Variants in TMEFF2 observed in about 807,000 individuals in gnomAD.
TMEFF2 encodes the protein tomoregulin-2.
Under a neutral mutation model 53.8 loss-of-function variants are expected in TMEFF2, and 28 were observed. That is an observed-to-expected ratio of 0.52 (90% CI 0.39 to 0.71). The LOEUF is 0.71. TMEFF2 is among the 30% of genes least tolerant of loss of function. The pLI, the probability that TMEFF2 is intolerant of heterozygous loss-of-function variation, is 0.00. For synonymous variants in TMEFF2, 162 were observed against 166.3 expected (o/e 0.97, Z 0.20); for missense variants, 353 against 455.2 (o/e 0.78, Z 2.04).
chr2:191,987,768 T>TGA, intron 7 of TMEFF2, among the ~76,000 whole-genome samples: 1 of 152,336 alleles, frequency 6.6e-6, no homozygotes, highest in South Asian at 2.1e-4. Context: ...TATTTGTAAG[T>TGA]CATTGGCTCT....
intron 4 of TMEFF2, among the ~76,000 whole-genome samples, chr2:192,141,608 C>G (rs923906477): frequency 1.3e-5 from 2 of 151,742 alleles, no homozygotes; most frequent in Non-Finnish European, 2.9e-5. Context: ...AAACCCTGAA[C>G]AGAAAGTTGT....
chr2:192,131,004 G>A (rs370295785), intron 4 of TMEFF2, among the ~76,000 whole-genome samples: 3 of 151,588 alleles, frequency 2.0e-5, no homozygotes, highest in South Asian at 2.1e-4. Context: ...ACGCAGGGAC[G>A]CCTGCCTTGG....
chr2:192,080,045 C>T (rs1467518249), intron 4 of TMEFF2, among the ~76,000 whole-genome samples: 2 of 152,072 alleles, frequency 1.3e-5, no homozygotes, highest in African/African-American at 2.4e-5. Flanking sequence ...TGACATAGTC[C>T]AATAGAGTAA....
intron 4 of TMEFF2, among the ~76,000 whole-genome samples, chr2:192,071,973 T>C (rs568980861): frequency 1.7e-4 from 26 of 151,942 alleles, no homozygotes; most frequent in African/African-American, 6.3e-4. Context: ...TGGGGAAAGG[T>C]GGCATAGGCA....
intron 4 of TMEFF2, among the ~76,000 whole-genome samples, chr2:192,111,216 T>C (rs1011529838): frequency 6.6e-6 from 1 of 152,116 alleles, no homozygotes; most frequent in Non-Finnish European, 1.5e-5. Flanking sequence ...TTGGAGGGCT[T>C]AGAAGAAGAT....
chr2:192,095,060 C>T (rs1170890569), intron 4 of TMEFF2, among the ~76,000 whole-genome samples: 1 of 152,150 alleles, frequency 6.6e-6, no homozygotes, highest in Admixed American at 6.6e-5. Context: ...CAGCATCCCA[C>T]TAGCAACAGA....
chr2:191,956,908 A>G (rs747473893), intron 7 of TMEFF2, among the ~76,000 whole-genome samples: 3 of 152,200 alleles, frequency 2.0e-5, no homozygotes, highest in Non-Finnish European at 4.4e-5. Context: ...TGCAAACATG[A>G]TTTTCACTAG....
At chr2:192,008,253 G>A (rs1241756090) in intron 5 of TMEFF2, among the ~76,000 whole-genome samples, 2 of 152,136 alleles carry the variant, frequency 1.3e-5, no homozygotes, top group Admixed American at 6.6e-5. Flanking sequence ...ACTTATTAAC[G>A]CCCACTGTGT....
chr2:192,022,312 G>C (rs923466901), intron 5 of TMEFF2, among the ~76,000 whole-genome samples: 2 of 152,156 alleles, frequency 1.3e-5, no homozygotes, highest in African/African-American at 4.8e-5. Flanking sequence ...TTGAAGGCTA[G>C]GAGAGAGAGA....
intron 5 of TMEFF2, among the ~76,000 whole-genome samples, chr2:192,045,509 C>T (rs1267649126): frequency 2.0e-5 from 3 of 152,206 alleles, no homozygotes; most frequent in Non-Finnish European, 4.4e-5. Context: ...CAGAGGAAGA[C>T]TGTAATAATA....
chr2:192,170,937 A>G (rs1196624857), intron 4 of TMEFF2, among the ~76,000 whole-genome samples: 1 of 152,098 alleles, frequency 6.6e-6, no homozygotes, highest in Admixed American at 6.6e-5. Context: ...ACCAGAGAAA[A>G]TGAAATTGCT....
intron 5 of TMEFF2, among the ~76,000 whole-genome samples, chr2:192,021,565 C>T (rs73982313): frequency 0.065 from 9,913 of 151,988 alleles, 488 homozygotes; most frequent in African/African-American, 0.13. Flanking sequence ...TAAAGAATAA[C>T]GTGGCTAGAA....
At chr2:191,969,951 T>C (rs545570824) in intron 7 of TMEFF2, among the ~76,000 whole-genome samples, 3 of 152,344 alleles carry the variant, frequency 2.0e-5, no homozygotes, top group African/African-American at 7.2e-5. Context: ...TTATAGGTTT[T>C]GCTAAAAAAT....
At position 191,950,331 on chromosome 2, in the gene TMEFF2, C is replaced by T. The variant is rs2105780867; in HGVS notation, c.1105G>A (p.Ala369Thr). 6.2e-7 allele frequency: 1 copy of T among 1,613,514 alleles called. No individual in the cohort carries two copies. The highest frequency in any genetic ancestry group is 1.1e-5 in the South Asian group (1 of 91,066). ...TCCCTTTAGATTAACCTCGTGGACG[C>T]TCTTGTTGTATTGTCTGAACTGTAG... is the stretch of plus-strand genomic sequence containing the variant. ...GHYSSDNTTR[A>T]STRLI Residue 369 changes from alanine (A) to threonine (T), a missense_variant, in exon 10 of 10, where the codon GCG becomes ACG. By Grantham distance (58) the Ala-to-Thr change is moderately conservative. Around this residue, in one of 3 missense-constraint regions of TMEFF2, gnomAD observed 294 missense variants for 397.3 expected, o/e 0.74. Coordinates refer to ENST00000272771, the MANE Select transcript of TMEFF2 (RefSeq NM_016192.4).
intron 6 of TMEFF2, among the ~76,000 whole-genome samples, chr2:191,998,770 C>T (rs1686284986): frequency 6.6e-6 from 1 of 151,830 alleles, no homozygotes; most frequent in Non-Finnish European, 1.5e-5. Context: ...TTTTGAGTTT[C>T]TTTTTTCCCT....
At chr2:192,075,285 T>TTATATATATATATATATATAAA (rs1688383625) in intron 4 of TMEFF2, among the ~76,000 whole-genome samples, 1 of 65,760 alleles carries the variant, frequency 1.5e-5, no homozygotes, top group African/African-American at 6.2e-5. Flanking sequence ...TACAGTACTA[T>TTATATATATATATATATATAAA]TATATATATA....
At chr2:192,137,286 GTGAAGGTAAATGGCCTGC>G (rs1415951206) in intron 4 of TMEFF2, among the ~76,000 whole-genome samples, 7 of 152,158 alleles carry the variant, frequency 4.6e-5, no homozygotes, top group African/African-American at 1.7e-4. Context: ...AACAGGGGAA[GTGAAGGTAAATGGCCTGC>G]TGAAAGGATG....
At chr2:192,031,504 T>C (rs2105873013) in intron 5 of TMEFF2, 2 of 152,352 alleles carry the variant, frequency 1.3e-5, no homozygotes, top group East Asian at 3.9e-4. Flanking sequence ...AATTGAATGC[T>C]GAATTCACAG....
intron 4 of TMEFF2, among the ~76,000 whole-genome samples, chr2:192,060,294 T>G (rs1211348324): frequency 6.6e-6 from 1 of 152,150 alleles, no homozygotes; most frequent in Non-Finnish European, 1.5e-5. Context: ...TCTGATTCAT[T>G]AGGTGCGAGG....
Sources: gnomAD v4.1 joint callset for allele counts (sites outside exome capture counted in the v4.1 genomes callset) on GRCh38, gnomAD v4.1.1 for gene constraint, gnomAD v4.1.1 regional missense constraint, MANE v1.5 for transcripts, NCBI Gene and HGNC (gene_info 2026-07-23, HGNC 2026-07-21) for gene names.